DNAH9: variants seen among roughly 807,000 people sequenced by gnomAD.
DNAH9 encodes the protein DNAH9 variant protein.
Under a neutral mutation model 471.6 loss-of-function variants are expected in DNAH9, and 345 were observed. The ratio of observed to expected loss-of-function variants is 0.73; its 90% CI spans 0.67 to 0.80. The LOEUF (loss-of-function observed/expected upper bound fraction) is 0.80. Ranked by LOEUF, DNAH9 falls within the 30% of genes least tolerant of loss-of-function variation. The pLI is 0.00. For synonymous variants in DNAH9, 2,093 were observed against 2,123.6 expected, an observed-to-expected ratio of 0.99 and a Z score of 0.40; for missense variants, 5,407 against 5,609.2, an observed-to-expected ratio of 0.96 and a Z score of 1.15.
At position 11,790,867 on chromosome 17, in the gene DNAH9, A is replaced by G. The variant is rs114607191; in HGVS notation, c.8062-2636A>G. Among the ~76,000 whole-genome samples, 1,399 of 152,158 alleles carry G rather than the reference A, an allele frequency of 9.2e-3. 17 individuals carry two copies. The highest frequency in any genetic ancestry group is 0.032 in the African/African-American group (1,338 of 41,508). ...GCATCATTTTATCTTTTTGTCTTTT[A>G]TAAATTAGCATATTTATTAATTGCC... On this transcript the variant is annotated intron_variant, in intron 41 of 68. Coordinates refer to ENST00000262442, the MANE Select transcript of DNAH9 (RefSeq NM_001372.4).
chr17:11,755,193 G>A (rs976943706), intron 33 of DNAH9, among the ~76,000 whole-genome samples: 2 of 152,064 alleles, frequency 1.3e-5, no homozygotes, highest in Admixed American at 6.6e-5. Context: ...GTCTGTTTTT[G>A]TACCAGTACC....
Position 11,644,716 on chromosome 17 carries a change from A to C in DNAH9, c.1970+17A>C. On this transcript the variant is annotated intron_variant, in intron 11 of 68. Transcript: ENST00000262442. ...GCTAGAAAAGTAAGCAACTTCTGGC[A>C]TTGCGTGGGTCTGCAGATTGCACAG... 1.3e-6 allele frequency: 2 copies of C among 1,594,388 alleles called. No homozygotes were observed. Among genetic ancestry groups the C allele is most frequent in the Admixed American group, 1.7e-5 (1 of 59,814 alleles).
chr17:11,902,446 C>T (rs1973444880), intron 59 of DNAH9, among the ~76,000 whole-genome samples: 1 of 152,156 alleles, frequency 6.6e-6, no homozygotes, highest in South Asian at 2.1e-4. Context: ...TCCATGTACA[C>T]ACCTACAGGC....
chr17:11,875,971 G>A (rs1179961247), intron 53 of DNAH9: 3 of 151,950 alleles, frequency 2.0e-5, no homozygotes, highest in Non-Finnish European at 4.4e-5. Flanking sequence ...GGTGTTAGAG[G>A]TTTTATCTCA....
At chr17:11,680,508 T>G (rs940109538) in intron 18 of DNAH9, among the ~76,000 whole-genome samples, 8 of 152,068 alleles carry the variant, frequency 5.3e-5, no homozygotes, top group Admixed American at 1.3e-4. Context: ...AAGGTTAGTG[T>G]AGAGTGAGTG....
chr17:11,807,673 A>G (rs1432228741), intron 43 of DNAH9, 59 bp from the exon 44 acceptor site: 2 of 1,548,004 alleles, frequency 1.3e-6, no homozygotes, highest in Non-Finnish European at 1.8e-6. Context: ...GCCTTTATAC[A>G]TGCTTCTGAC....
chr17:11,960,691 G>A (rs547193125), intron 67 of DNAH9, among the ~76,000 whole-genome samples: 63 of 149,696 alleles, frequency 4.2e-4, no homozygotes, highest in Non-Finnish European at 6.3e-4. Context: ...CCCGGGAGGC[G>A]GAGGTTGCAG....
rs767823546 is a variant in DNAH9, at chr17:11,854,163, A to G, written c.9668A>G (p.Asp3223Gly). The G allele has an allele frequency of 5.0e-6, 8 of 1,613,888 alleles. No individual in the cohort carries two copies. The South Asian group carries it at 8.8e-5, about 18-fold the overall frequency. The change falls in exon 50 of 69, where the codon GAC (aspartate) becomes GGC (glycine). Residue 3223 changes from aspartate to glycine, a missense_variant. Coordinates refer to ENST00000262442, the MANE Select transcript of DNAH9 (RefSeq NM_001372.4). ...ATGGCCAAAGTGGATGGCTTCCTGG[A>G]CTCGCTAATAAACTTCAACAAAGAG... ...VTMAKVDGFL[D>G]SLINFNKENI...
chr17:11,630,613 T>G (rs984529626), intron 7 of DNAH9: 2 of 152,174 alleles, frequency 1.3e-5, no homozygotes, highest in African/African-American at 2.4e-5. Flanking sequence ...GCTTAAAACC[T>G]AGATGACGGA....
In DNAH9 at chr17:11,925,058, G is replaced by A. The variant is rs1164866734; in HGVS notation, c.11877+1117G>A. 4 of 391,298 alleles carry A rather than the reference G, an allele frequency of 1.0e-5. No individual in the cohort carries two copies. In the Admixed American group the frequency reaches 1.2e-4, roughly 12 times the overall value. The allele number at this position is 391,298 out of a possible 1,614,324, so 24.2% of individuals were successfully genotyped here. A position where few individuals can be genotyped will look rare whatever the true frequency, so the allele number is the denominator to read the frequency against. The stretch of plus-strand genomic sequence containing the variant: ...GGAGTTGTGGCAGAATGCATAGCTT[G>A]CTCCTCTTTTCTCCTAGAACATTTT... On this transcript the variant is annotated intron_variant, in intron 62 of 68. Transcript: ENST00000262442.
intron 49 of DNAH9, among the ~76,000 whole-genome samples, chr17:11,847,491 G>C: frequency 6.6e-6 from 1 of 152,060 alleles, no homozygotes; most frequent in South Asian, 2.1e-4. Flanking sequence ...ACCTGTTTTT[G>C]TCAGGTTTGT....
At chr17:11,682,167 A>G (rs745928299) in intron 19 of DNAH9, among the ~76,000 whole-genome samples, 2 of 151,998 alleles carry the variant, frequency 1.3e-5, no homozygotes, top group Non-Finnish European at 2.9e-5. Flanking sequence ...ATATATTTAT[A>G]TCTTATGTCT....
intron 8 of DNAH9, among the ~76,000 whole-genome samples, chr17:11,633,987 T>C (rs2073115108): frequency 6.6e-6 from 1 of 152,218 alleles, no homozygotes; most frequent in Non-Finnish European, 1.5e-5. Flanking sequence ...CATGAAAACA[T>C]GTCTGTGTGT....
chr17:11,757,403 C>A lies in DNAH9; in HGVS notation c.6848-142C>A. On this transcript the variant is annotated intron_variant, in intron 34 of 68. Transcript: ENST00000262442. Reference sequence around the variant, plus strand: ...GGTCCTCAATAGCAAACCCATTTACCCGCTCACATCTTGGCCAAATCTCCT... The same window carrying A: ...GGTCCTCAATAGCAAACCCATTTACACGCTCACATCTTGGCCAAATCTCCT... 4 of 716,440 alleles carry A rather than the reference C, an allele frequency of 5.6e-6. No individual in the cohort carries two copies. In the South Asian group the frequency reaches 5.9e-5, roughly 10 times the overall value. 44.4% of individuals were successfully genotyped at this position (716,440 alleles called of 1,614,324 possible).
rs544258752 is a variant in DNAH9 at position 11,814,843 on chromosome 17, G to A, written c.8707+4474G>A. Among the ~76,000 whole-genome samples the A allele has an allele frequency of 5.9e-5, 9 of 152,262 alleles. No individual in the cohort carries two copies. The South Asian group carries it at 1.9e-3, about 32-fold the overall frequency. On this transcript the variant is annotated intron_variant, in intron 45 of 68. Transcript: ENST00000262442. Reference sequence around the variant, plus strand: ...CTATGAGAATGCAGAGCCCGGAAGTGTTTATAACAGACTTGGCATTGGATT... The same window carrying A: ...CTATGAGAATGCAGAGCCCGGAAGTATTTATAACAGACTTGGCATTGGATT...
intron 32 of DNAH9, among the ~76,000 whole-genome samples, chr17:11,751,867 T>C (rs552621905): frequency 6.6e-6 from 1 of 152,284 alleles, no homozygotes; most frequent in South Asian, 2.1e-4. Context: ...GAAAAATTAC[T>C]AGAATTAATA....
intron 65 of DNAH9, among the ~76,000 whole-genome samples, chr17:11,934,723 A>AT (rs1974648255): frequency 6.6e-6 from 1 of 152,054 alleles, no homozygotes; most frequent in Non-Finnish European, 1.5e-5. Flanking sequence ...AAGTGCTGGG[A>AT]TTACAGGCGT....
At chr17:11,806,782 A>C (rs1969703268) in intron 43 of DNAH9, among the ~76,000 whole-genome samples, 1 of 152,172 alleles carries the variant, frequency 6.6e-6, no homozygotes, top group African/African-American at 2.4e-5. Flanking sequence ...TTTTTTCTGT[A>C]TTGTACGCAT....
At chr17:11,912,450 A>G (rs1258281995) in intron 61 of DNAH9, among the ~76,000 whole-genome samples, 3 of 152,200 alleles carry the variant, frequency 2.0e-5, no homozygotes, top group Admixed American at 1.3e-4. Context: ...GATTTTTTGT[A>G]GATATCCTTT....
Sources: allele counts gnomAD v4.1 joint callset (sites outside exome capture counted in the v4.1 genomes callset), GRCh38; gene constraint gnomAD v4.1.1; transcripts MANE v1.5; gene names NCBI Gene and HGNC (gene_info 2026-07-23, HGNC 2026-07-21).